Variants in FHIT observed in about 807,000 individuals in gnomAD.
The protein encoded by FHIT is fragile histidine triad diadenosine triphosphatase.
In FHIT, 19 loss-of-function variants were observed where a neutral mutation model predicts 17.9. That is an observed-to-expected ratio of 1.06 (90% CI 0.74 to 1.56). The LOEUF (loss-of-function observed/expected upper bound fraction) is 1.56. Among genes scored for constraint, FHIT ranks in the 40% most tolerant of loss-of-function variants. The pLI is 0.00. For synonymous variants in FHIT, 81 were observed against 69.7 expected (o/e 1.16, Z -0.81); for missense variants, 248 against 189.2 (o/e 1.31, Z -1.82).
chr3:59,774,936 A>T (rs758602508), intron 8 of FHIT, among the ~76,000 whole-genome samples: 1 of 152,146 alleles, frequency 6.6e-6, no homozygotes, highest in African/African-American at 2.4e-5. Flanking sequence ...CATCAGCATC[A>T]CTTGGGAGCT....
chr3:60,087,905 T>G (rs1703564950), intron 5 of FHIT, among the ~76,000 whole-genome samples: 1 of 152,210 alleles, frequency 6.6e-6, no homozygotes. Context: ...ACTAATTTTC[T>G]GTCTTAGTTC....
At chr3:61,240,751 T>A (rs148587306) in intron 1 of FHIT, among the ~76,000 whole-genome samples, 106 of 152,324 alleles carry the variant, frequency 7.0e-4, no homozygotes, top group African/African-American at 2.5e-3. Flanking sequence ...CCCCCTTCTT[T>A]ACATAATTTT....
chr3:60,313,669 T>C (rs1292856274), intron 5 of FHIT, among the ~76,000 whole-genome samples: 1 of 152,106 alleles, frequency 6.6e-6, no homozygotes, highest in South Asian at 2.1e-4. Flanking sequence ...CTTGAAAATA[T>C]GGTGATATGA....
At chr3:61,044,588 A>G (rs1037711932) in intron 2 of FHIT, among the ~76,000 whole-genome samples, 1 of 152,068 alleles carries the variant, frequency 6.6e-6, no homozygotes, top group Non-Finnish European at 1.5e-5. Context: ...AACTTCCCCA[A>G]TCTAGCAATG....
intron 8 of FHIT, among the ~76,000 whole-genome samples, chr3:59,796,034 G>A (rs1246699065): frequency 6.6e-6 from 1 of 152,198 alleles, no homozygotes; most frequent in Non-Finnish European, 1.5e-5. Flanking sequence ...TAGGAAAGAG[G>A]TGGAGACAGG....
At chr3:60,988,981 T>TAATTTGG (rs1161575283) in intron 3 of FHIT, among the ~76,000 whole-genome samples, 46 of 90,322 alleles carry the variant, frequency 5.1e-4, no homozygotes, top group Middle Eastern at 9.1e-3. Context: ...AAAAACAAGA[T>TAATTTGG]AATTTGGTAA....
intron 5 of FHIT, among the ~76,000 whole-genome samples, chr3:60,115,787 A>G (rs1442831898): frequency 6.6e-6 from 1 of 152,204 alleles, no homozygotes; most frequent in Non-Finnish European, 1.5e-5. Context: ...AGTAAAGTAT[A>G]AAAAAGTAGA....
chr3:60,967,530 A>G (rs991995111), intron 3 of FHIT, among the ~76,000 whole-genome samples: 3 of 152,218 alleles, frequency 2.0e-5, no homozygotes, highest in Admixed American at 6.5e-5. Flanking sequence ...ATAGGTAAAA[A>G]GGATGGGACA....
intron 2 of FHIT, among the ~76,000 whole-genome samples, chr3:61,147,612 C>CA (rs145160215): frequency 0.052 from 7,812 of 151,108 alleles, 242 homozygotes; most frequent in Middle Eastern, 0.11. Context: ...CCGAAGATAA[C>CA]AAAAAAAATT....
intron 5 of FHIT, among the ~76,000 whole-genome samples, chr3:60,509,508 C>T (rs1370034313): frequency 6.6e-6 from 1 of 152,182 alleles, no homozygotes; most frequent in Non-Finnish European, 1.5e-5. Context: ...ATTCATTATA[C>T]TGTTCCTATG....
intron 8 of FHIT, among the ~76,000 whole-genome samples, chr3:59,787,173 T>C (rs1254664150): frequency 6.6e-6 from 1 of 151,990 alleles, no homozygotes; most frequent in Non-Finnish European, 1.5e-5. Context: ...AAACTGAGAG[T>C]CAGAAAGGTT....
At chr3:60,096,898 C>T (rs1254592394) in intron 5 of FHIT, among the ~76,000 whole-genome samples, 5 of 151,586 alleles carry the variant, frequency 3.3e-5, no homozygotes, top group African/African-American at 9.7e-5. Flanking sequence ...GGAATGGAAA[C>T]GGCCAGGCAC....
At chr3:59,839,529 T>C (rs992513659) in intron 8 of FHIT, among the ~76,000 whole-genome samples, 1 of 152,090 alleles carries the variant, frequency 6.6e-6, no homozygotes, top group African/African-American at 2.4e-5. Flanking sequence ...CTTAAATACT[T>C]GTTGATGAAG....
At chr3:60,446,456 T>A (rs2031337772) in intron 5 of FHIT, among the ~76,000 whole-genome samples, 1 of 152,158 alleles carries the variant, frequency 6.6e-6, no homozygotes, top group African/African-American at 2.4e-5. Context: ...GTGGTCCACC[T>A]CTGGTTTACA....
intron 5 of FHIT, among the ~76,000 whole-genome samples, chr3:60,215,763 AT>A (rs1196100684): frequency 2.6e-5 from 4 of 152,164 alleles, no homozygotes; most frequent in Admixed American, 2.6e-4. Flanking sequence ...GTTAACACTT[AT>A]TCTACATAAT....
In FHIT at chr3:60,116,943, T is replaced by C. The variant is rs143532817; in HGVS notation, c.104-102791A>G. Among the ~76,000 whole-genome samples, 489 of 152,216 alleles carry C rather than the reference T, an allele frequency of 3.2e-3. 3 individuals are homozygous for C. The highest frequency in any genetic ancestry group is 3.5e-3 in the Non-Finnish European group (235 of 68,000). On this transcript the variant is annotated intron_variant, in intron 5 of 9. Transcript: ENST00000492590. ...CCCTCTAGAAAAAGTTACGGAAATA[T>C]TGTACAAAATGCACCATGGGTTAAA...
chr3:59,975,005 T>A (rs1708347451), intron 7 of FHIT, among the ~76,000 whole-genome samples: 2 of 152,150 alleles, frequency 1.3e-5, no homozygotes, highest in African/African-American at 4.8e-5. Flanking sequence ...TTCATTGCAC[T>A]AATCGCCACT....
chr3:60,542,375 T>C (rs2036212914), intron 4 of FHIT, among the ~76,000 whole-genome samples: 1 of 152,226 alleles, frequency 6.6e-6, no homozygotes, highest in Non-Finnish European at 1.5e-5. Flanking sequence ...TTAGATTTTC[T>C]AAAATATATG....
chr3:61,035,199 G>C (rs766740946), intron 3 of FHIT, among the ~76,000 whole-genome samples: 1 of 152,100 alleles, frequency 6.6e-6, no homozygotes, highest in Non-Finnish European at 1.5e-5. Context: ...GAAATGTTTT[G>C]GAACTGGATA....
Sources: allele counts gnomAD v4.1 joint callset (sites outside exome capture counted in the v4.1 genomes callset), GRCh38; gene constraint gnomAD v4.1.1; transcripts MANE v1.5; gene names NCBI Gene and HGNC (gene_info 2026-07-23, HGNC 2026-07-21).